Variants in GNPTAB observed in about 807,000 individuals in gnomAD.
GNPTAB encodes the protein N-acetylglucosamine-1-phosphate transferase subunits alpha and beta.
In GNPTAB, 92 loss-of-function variants were observed where a neutral mutation model predicts 136.6. The ratio of observed to expected loss-of-function variants is 0.67; its 90% CI spans 0.57 to 0.80. GNPTAB has a LOEUF of 0.80. Ranked by LOEUF, GNPTAB falls within the 30% of genes least tolerant of loss-of-function variation. GNPTAB has a pLI of 0.00. For synonymous variants in GNPTAB, 512 were observed against 535.1 expected, an observed-to-expected ratio of 0.96 and a Z score of 0.60; for missense variants, 1,343 against 1,501.8, an observed-to-expected ratio of 0.89 and a Z score of 1.75.
Position 101,770,153 on chromosome 12 carries a change from AC to A in GNPTAB, c.1151del (p.Ser384IlefsTer22). On this transcript the variant is annotated frameshift_variant, in exon 10 of 21. Transcript: ENST00000299314. LOFTEE classifies it high-confidence loss of function. ...FRNLSHLPTF[S>X]SPAIESHIHR... The stretch of plus-strand genomic sequence containing the variant: ...GAATGTGACTTTCAATAGCAGGTGA[AC>A]TAAAGGTAGGCAAGTGGCTCAAATT... The A allele has an allele frequency of 6.2e-7, 1 of 1,614,206 alleles. No individual in the cohort carries two copies. The highest frequency in any genetic ancestry group is 8.5e-7 in the Non-Finnish European group (1 of 1,180,036).
intron 1 of GNPTAB, among the ~76,000 whole-genome samples, chr12:101,814,340 AATGT>A (rs779660476): frequency 2.6e-5 from 4 of 151,980 alleles, no homozygotes; most frequent in Admixed American, 1.3e-4. Context: ...AGCTTTGAAA[AATGT>A]ATGTGGATTA....
At chr12:101,773,482 C>G (rs1953213534) in intron 7 of GNPTAB, 1 of 174,274 alleles carries the variant, frequency 5.7e-6, no homozygotes, top group African/African-American at 2.4e-5. Flanking sequence ...CAGGCACTGG[C>G]TTGGCGTAAC....
chr12:101,817,948 T>C (rs938938353), intron 1 of GNPTAB, among the ~76,000 whole-genome samples: 5 of 152,204 alleles, frequency 3.3e-5, no homozygotes, highest in African/African-American at 1.2e-4. Context: ...TTTTATTTCA[T>C]CACTCTCTTC....
Position 101,753,553 on chromosome 12 carries a change from G to A in GNPTAB, c.3435-14C>T. The stretch of plus-strand genomic sequence containing the variant: ...CAAACAAACTTCCTGAAATAACAGA[G>A]AGCCAGGGTTATTAGTTACATATGG... On this transcript the variant is annotated splice_polypyrimidine_tract_variant and intron_variant, in intron 18 of 20. Coordinates refer to ENST00000299314, the MANE Select transcript of GNPTAB (RefSeq NM_024312.5). 6.2e-7 allele frequency: 1 copy of A among 1,608,742 alleles called. No homozygotes were observed. Among genetic ancestry groups the A allele is most frequent in the East Asian group, 2.2e-5 (1 of 44,824 alleles).
At chr12:101,790,149 G>T in intron 2 of GNPTAB, 92 bp from the exon 3 acceptor site, 1 of 1,546,208 alleles carries the variant, frequency 6.5e-7, no homozygotes. Flanking sequence ...CAGAGATTAT[G>T]AAAAAAATCT....
intron 11 of GNPTAB, chr12:101,767,796 T>C: frequency 1.6e-6 from 1 of 613,718 alleles, no homozygotes; most frequent in Non-Finnish European, 2.9e-6. Context: ...CTAATTTTTT[T>C]TGATAGAGAT....
rs1219474346 is a variant in GNPTAB at position 101,786,004 on chromosome 12, G to T, written c.571+8C>A. On this transcript the variant is annotated splice_region_variant and intron_variant, in intron 5 of 20. Transcript: ENST00000299314. ...CATGATTTTAAAATATCCATAAAAAGATCTTACCATCCTTAGTACTGTCAA... is the reference window on the plus strand; with the variant it reads ...CATGATTTTAAAATATCCATAAAAATATCTTACCATCCTTAGTACTGTCAA... 8 of 1,588,888 alleles carry T rather than the reference G, an allele frequency of 5.0e-6. No homozygotes were observed. Among genetic ancestry groups the T allele is most frequent in the Non-Finnish European group, 5.2e-6 (6 of 1,157,382 alleles).
chr12:101,748,675 G>T (rs1174413906), intron 20 of GNPTAB, among the ~76,000 whole-genome samples: 1 of 152,178 alleles, frequency 6.6e-6, no homozygotes, highest in Non-Finnish European at 1.5e-5. Flanking sequence ...GGGAGCTACT[G>T]GTGTGAGTGG....
At position 101,770,373 on chromosome 12, in the gene GNPTAB, T is replaced by C. The variant is rs1202618346; in HGVS notation, c.1113+33A>G. The C allele has an allele frequency of 9.8e-6, 15 of 1,524,078 alleles. 1 individual carries two copies. Among genetic ancestry groups the C allele is most frequent in the Middle Eastern group, 3.4e-4 (2 of 5,892 alleles). The allele number at this position is 1,524,078 out of a possible 1,614,324, so 94.4% of individuals were successfully genotyped here. On this transcript the variant is annotated intron_variant, in intron 9 of 20. Coordinates refer to ENST00000299314, the MANE Select transcript of GNPTAB (RefSeq NM_024312.5). Reference sequence around the variant, plus strand: ...CACACTAAAAGAGCAGAATTAGAAATCACAGTCTTGTAATTTTTAGAAAGT... The same window carrying C: ...CACACTAAAAGAGCAGAATTAGAAACCACAGTCTTGTAATTTTTAGAAAGT...
chr12:101,772,886 G>A (rs993704853), intron 7 of GNPTAB, among the ~76,000 whole-genome samples: 4 of 152,034 alleles, frequency 2.6e-5, no homozygotes, highest in African/African-American at 7.2e-5. Context: ...ATGTGATCTC[G>A]GCTCACTGCA....
chr12:101,787,670 T>C (rs991348681), intron 4 of GNPTAB, among the ~76,000 whole-genome samples: 1 of 152,028 alleles, frequency 6.6e-6, no homozygotes, highest in Non-Finnish European at 1.5e-5. Flanking sequence ...ATCCAGTACT[T>C]TGGGAGGCCG....
intron 1 of GNPTAB, among the ~76,000 whole-genome samples, chr12:101,821,663 G>A (rs1423726604): frequency 6.6e-6 from 1 of 152,178 alleles, no homozygotes; most frequent in Non-Finnish European, 1.5e-5. Context: ...CCTCATTCAA[G>A]GGGGAGCAGT....
At chr12:101,759,609 C>T (rs1034459888) in intron 16 of GNPTAB, among the ~76,000 whole-genome samples, 1 of 152,104 alleles carries the variant, frequency 6.6e-6, no homozygotes, top group African/African-American at 2.4e-5. Flanking sequence ...CCAATGCAGT[C>T]GTGTGTTAAT....
intron 1 of GNPTAB, among the ~76,000 whole-genome samples, chr12:101,815,320 T>G (rs1870459228): frequency 6.6e-6 from 1 of 152,216 alleles, no homozygotes; most frequent in Non-Finnish European, 1.5e-5. Context: ...ATTACAGGCA[T>G]GAGCCACCAT....
At chr12:101,750,052 A>G (rs1952793895) in intron 19 of GNPTAB, among the ~76,000 whole-genome samples, 1 of 152,242 alleles carries the variant, frequency 6.6e-6, no homozygotes. Flanking sequence ...GGAAGCAGTG[A>G]CAATGAAAAG....
chr12:101,760,782 T>C (rs1227686354), intron 15 of GNPTAB, among the ~76,000 whole-genome samples: 12 of 111,050 alleles, frequency 1.1e-4, no homozygotes, highest in Non-Finnish European at 2.0e-4. Context: ...TTTTCTTTTC[T>C]TTTTTTTTTT....
chr12:101,794,926 T>C (rs938407264), intron 2 of GNPTAB, among the ~76,000 whole-genome samples: 7 of 152,144 alleles, frequency 4.6e-5, no homozygotes, highest in African/African-American at 1.4e-4. Flanking sequence ...AATTAATTTT[T>C]AAAATCAATT....
At chr12:101,750,328 C>A (rs775180007) in intron 19 of GNPTAB, among the ~76,000 whole-genome samples, 1 of 152,202 alleles carries the variant, frequency 6.6e-6, no homozygotes, top group African/African-American at 2.4e-5. Flanking sequence ...ACATCCAAAA[C>A]GGCACTCGCC....
intron 11 of GNPTAB, among the ~76,000 whole-genome samples, chr12:101,767,684 G>A (rs554910381): frequency 3.1e-4 from 47 of 152,290 alleles, no homozygotes; most frequent in African/African-American, 1.1e-3. Context: ...GTACAATGGT[G>A]CAATCACAGC....
Sources: gnomAD v4.1 joint callset for allele counts (sites outside exome capture counted in the v4.1 genomes callset) on GRCh38, gnomAD v4.1.1 for gene constraint, MANE v1.5 for transcripts, NCBI Gene and HGNC (gene_info 2026-07-23, HGNC 2026-07-21) for gene names.